MRRF: variants seen among roughly 807,000 people sequenced by gnomAD.
MRRF encodes the protein mitochondrial ribosome recycling factor.
In MRRF, 18 loss-of-function variants were observed where a neutral mutation model predicts 25.1. The ratio of observed to expected loss-of-function variants is 0.72; its 90% CI spans 0.50 to 1.06. The LOEUF (loss-of-function observed/expected upper bound fraction) is 1.06, where lower values mean the gene tolerates loss of function less well. Among genes scored for constraint, MRRF ranks in the 50% least tolerant of loss-of-function variants. The pLI is 0.00. For synonymous variants in MRRF, 113 were observed against 112.1 expected, an observed-to-expected ratio of 1.01 and a Z score of -0.05; for missense variants, 323 against 319.3, an observed-to-expected ratio of 1.01 and a Z score of -0.09.
chr9:122,266,812 G>A (rs192457864), intron 1 of MRRF, among the ~76,000 whole-genome samples: 1 of 152,332 alleles, frequency 6.6e-6, no homozygotes. Context: ...AAATATTTCA[G>A]TCTGTAATCT....
At position 122,326,584 on chromosome 9, in the gene MRRF, A is replaced by G. The variant is rs565132809; in HGVS notation, c.*3967A>G. On this transcript the variant is annotated 3_prime_UTR_variant, in exon 7 of 7. Coordinates refer to ENST00000344641, the MANE Select transcript of MRRF (RefSeq NM_138777.5). The stretch of plus-strand genomic sequence containing the variant: ...TGGGTCTACCATAACTTAATTCACT[A>G]TTAGCCCATGACACTATTTAAAAAT... 1.3e-5 allele frequency: 2 copies of G among 152,170 alleles called. No individual in the cohort carries two copies. Among genetic ancestry groups the G allele is most frequent in the East Asian group, 1.9e-4 (1 of 5,190 alleles). 9.4% of individuals were successfully genotyped at this position (152,170 alleles called of 1,614,324 possible). A position where few individuals can be genotyped will look rare whatever the true frequency, so the allele number is the denominator to read the frequency against.
chr9:122,299,444 C>T (rs1437817857), intron 5 of MRRF, among the ~76,000 whole-genome samples: 1 of 151,926 alleles, frequency 6.6e-6, no homozygotes, highest in Non-Finnish European at 1.5e-5. Context: ...TGTTTATTTT[C>T]AGGTGCTCCT....
At chr9:122,284,510 A>G (rs1264487847) in intron 3 of MRRF, among the ~76,000 whole-genome samples, 1 of 152,176 alleles carries the variant, frequency 6.6e-6, no homozygotes, top group Non-Finnish European at 1.5e-5. Context: ...CACAGAGAAG[A>G]TAAATAACTC....
At chr9:122,299,334 C>G (rs529126880) in intron 5 of MRRF, among the ~76,000 whole-genome samples, 1 of 151,870 alleles carries the variant, frequency 6.6e-6, no homozygotes, top group South Asian at 2.1e-4. Flanking sequence ...AGGCTGGTCT[C>G]GAACTCCTGA....
chr9:122,309,161 A>G (rs530384943), intron 5 of MRRF, among the ~76,000 whole-genome samples: 30 of 152,210 alleles, frequency 2.0e-4, no homozygotes, highest in Non-Finnish European at 3.8e-4. Flanking sequence ...AGTCTGGCAT[A>G]TTTCACTTAG....
chr9:122,313,192 A>G, intron 5 of MRRF, 35 bp from the exon 6 acceptor site: 1 of 1,607,326 alleles, frequency 6.2e-7, no homozygotes, highest in Non-Finnish European at 8.5e-7. Flanking sequence ...TAATGTATAG[A>G]ATGATTTTGT....
In MRRF at chr9:122,313,379, A is replaced by G. The variant is rs1835320685; in HGVS notation, c.704A>G (p.Glu235Gly). The change falls in exon 6 of 7, where the codon GAG (glutamate) becomes GGG (glycine). Residue 235 changes from glutamate (E) to glycine (G), a missense_variant. Coordinates refer to ENST00000344641, the MANE Select transcript of MRRF (RefSeq NM_138777.5). ...TCAGAGGACACCATTAGGCTAATAG[A>G]GAAACAGGTACTATTGCCAGCAATG... ...TVSEDTIRLIEKQISQMADDT... is the reference protein window; with the variant it reads ...TVSEDTIRLIGKQISQMADDT... 1 of 1,614,038 alleles carries G rather than the reference A, an allele frequency of 6.2e-7. No homozygotes were observed. Among genetic ancestry groups the G allele is most frequent in the Non-Finnish European group, 8.5e-7 (1 of 1,179,880 alleles).
At chr9:122,320,856 G>A (rs147983259) in intron 6 of MRRF, among the ~76,000 whole-genome samples, 66 of 152,294 alleles carry the variant, frequency 4.3e-4, no homozygotes, top group Admixed American at 2.4e-3. Flanking sequence ...GCAGATCCTT[G>A]GCACCATGCT....
intron 5 of MRRF, among the ~76,000 whole-genome samples, chr9:122,300,640 TTC>T (rs565692544): frequency 4.3e-4 from 65 of 152,332 alleles, no homozygotes; most frequent in Non-Finnish European, 8.4e-4. Context: ...GTTTGCTGAT[TTC>T]TCTTTTAATC....
intron 3 of MRRF, among the ~76,000 whole-genome samples, chr9:122,281,907 C>T (rs1833111829): frequency 6.6e-6 from 1 of 152,108 alleles, no homozygotes; most frequent in African/African-American, 2.4e-5. Flanking sequence ...GGATTTGATG[C>T]ATTATGTCGA....
chr9:122,290,355 C>T (rs1833686517), intron 4 of MRRF, among the ~76,000 whole-genome samples: 1 of 152,154 alleles, frequency 6.6e-6, no homozygotes, highest in Admixed American at 6.5e-5. Context: ...TCCCTTCCAG[C>T]TCTAATAATC....
chr9:122,328,288 T>G lies in MRRF; in HGVS notation c.*5671T>G, dbSNP rs1836193512. On this transcript the variant is annotated 3_prime_UTR_variant, in exon 7 of 7. Transcript: ENST00000344641. ...TGTGCCCAGCCTTAACCATTTTAAG[T>G]GTACAGTTCAGTAGCATTTAGTACA... 1 of 152,208 alleles carries G rather than the reference T, an allele frequency of 6.6e-6. No homozygotes were observed. The allele number at this position is 152,208 out of a possible 1,614,324, so 9.4% of individuals were successfully genotyped here. A position where few individuals can be genotyped will look rare whatever the true frequency, so the allele number is the denominator to read the frequency against.
At chr9:122,319,842 C>T (rs1163992006) in intron 6 of MRRF, among the ~76,000 whole-genome samples, 1 of 148,980 alleles carries the variant, frequency 6.7e-6, no homozygotes, top group Non-Finnish European at 1.5e-5. Flanking sequence ...TATGCTTGTA[C>T]TATGGTAAAA....
intron 5 of MRRF, among the ~76,000 whole-genome samples, chr9:122,305,999 C>A (rs1474568841): frequency 6.6e-6 from 1 of 152,198 alleles, no homozygotes; most frequent in African/African-American, 2.4e-5. Context: ...TTATCTCTAT[C>A]TTACAGATGA....
intron 2 of MRRF, among the ~76,000 whole-genome samples, chr9:122,279,338 G>A (rs191596112): frequency 6.6e-6 from 1 of 152,266 alleles, no homozygotes; most frequent in Non-Finnish European, 1.5e-5. Context: ...CTGTACCATG[G>A]GGACAATACT....
chr9:122,293,851 C>T (rs376654167), intron 5 of MRRF, among the ~76,000 whole-genome samples: 5 of 152,138 alleles, frequency 3.3e-5, no homozygotes, highest in Non-Finnish European at 2.9e-5. Context: ...CTAGGGCCCA[C>T]ATTTATAGAT....
chr9:122,298,782 C>T (rs546897939), intron 5 of MRRF, among the ~76,000 whole-genome samples: 113 of 152,232 alleles, frequency 7.4e-4, no homozygotes, highest in African/African-American at 2.6e-3. Context: ...TAACAACACA[C>T]ACATATAGTT....
intron 2 of MRRF, among the ~76,000 whole-genome samples, chr9:122,278,849 A>G (rs1832930921): frequency 6.7e-6 from 1 of 149,536 alleles, no homozygotes; most frequent in Non-Finnish European, 1.5e-5. Flanking sequence ...TTATTGTCCT[A>G]TTTGAAACTT....
chr9:122,273,630 A>G (rs1245681102), intron 2 of MRRF, among the ~76,000 whole-genome samples: 1 of 152,186 alleles, frequency 6.6e-6, no homozygotes, highest in Non-Finnish European at 1.5e-5. Context: ...AGTGAACACA[A>G]TCATGTACTT....
Sources: allele counts gnomAD v4.1 joint callset (sites outside exome capture counted in the v4.1 genomes callset), GRCh38; gene constraint gnomAD v4.1.1; transcripts MANE v1.5; gene names NCBI Gene and HGNC (gene_info 2026-07-23, HGNC 2026-07-21).